ASTN1: variants seen among roughly 807,000 people sequenced by gnomAD.
ASTN1 encodes astrotactin-1.
A neutral mutation model predicts 140.7 loss-of-function variants in ASTN1; 41 were observed. That is an observed-to-expected ratio of 0.29 (90% CI 0.23 to 0.38). The LOEUF (loss-of-function observed/expected upper bound fraction) is 0.38, where lower values mean the gene tolerates loss of function less well. Among genes scored for constraint, ASTN1 ranks in the 10% least tolerant of loss-of-function variants. ASTN1 has a pLI of 1.00. For synonymous variants in ASTN1, 640 were observed against 652.2 expected (o/e 0.98, Z 0.29); for missense variants, 1,479 against 1,678.8 (o/e 0.88, Z 2.08).
intron 21 of ASTN1, among the ~76,000 whole-genome samples, chr1:176,872,008 G>C (rs1668366138): frequency 6.6e-6 from 1 of 152,088 alleles, no homozygotes; most frequent in Non-Finnish European, 1.5e-5. Flanking sequence ...GGGTAAATTG[G>C]CTGAGACTGA....
At position 176,952,678 on chromosome 1, in the gene ASTN1, C is replaced by G. The variant is rs142989861; in HGVS notation, c.1888-3327G>C. ...TAGCTAAGTACAAAGAAACCAGAGT[C>G]TCCAAACCATGCCCTTCATCCTAGA... is the stretch of plus-strand genomic sequence containing the variant. On this transcript the variant is annotated intron_variant, in intron 11 of 22. Transcript: ENST00000361833. 2.4e-4 allele frequency among the ~76,000 whole-genome samples: 36 copies of G among 152,302 alleles called. 1 individual carries two copies. The highest frequency in any genetic ancestry group is 1.2e-4 in the African/African-American group (5 of 41,560).
Position 177,164,673 on chromosome 1 carries a change from C to T in ASTN1, c.4G>A (p.Ala2Thr), listed in dbSNP as rs1408866790. M[A>T]LAGLCALLAC... The stretch of plus-strand genomic sequence containing the variant: ...AGCAGGGCGCAGAGCCCGGCTAAAG[C>T]CATCTTGAGCCCCGGCCGCCTTCCT... The change falls in exon 1 of 23, where the codon GCT becomes ACT. Residue 2 changes from alanine (A) to threonine (T), a missense_variant. By Grantham distance (58) the Ala-to-Thr change is moderately conservative. Around this residue, in one of 3 missense-constraint regions of ASTN1, gnomAD observed 729 missense variants for 860.4 expected, o/e 0.85. Transcript: ENST00000361833. 6.4e-7 allele frequency: 1 copy of T among 1,564,152 alleles called. No homozygotes were observed. Among genetic ancestry groups the T allele is most frequent in the Non-Finnish European group, 8.6e-7 (1 of 1,156,238 alleles).
chr1:176,972,405 G>T (rs1219716572), intron 8 of ASTN1, among the ~76,000 whole-genome samples: 1 of 152,220 alleles, frequency 6.6e-6, no homozygotes, highest in African/African-American at 2.4e-5. Context: ...CCACAGGGTT[G>T]TTGAGTTTAA....
chr1:177,164,069 A>G (rs978830767), intron 1 of ASTN1, among the ~76,000 whole-genome samples: 2 of 152,056 alleles, frequency 1.3e-5, no homozygotes, highest in African/African-American at 2.4e-5. Flanking sequence ...TAGCAGACAA[A>G]AAGTGCTGTG....
intron 12 of ASTN1, among the ~76,000 whole-genome samples, chr1:176,948,648 T>C (rs563229024): frequency 6.6e-6 from 1 of 152,230 alleles, no homozygotes; most frequent in Admixed American, 6.5e-5. Flanking sequence ...TGGGAGAGCC[T>C]GCCTGCAAGA....
chr1:177,044,198 CACACAT>C lies in ASTN1; in HGVS notation c.472-11355_472-11350del, dbSNP rs778117936. 8.2e-3 allele frequency among the ~76,000 whole-genome samples: 1,242 copies of C among 150,810 alleles called. 15 individuals carry two copies. The highest frequency in any genetic ancestry group is 0.027 in the African/African-American group (1,114 of 40,516). On this transcript the variant is annotated intron_variant, in intron 2 of 22. Coordinates refer to ENST00000361833, the MANE Select transcript of ASTN1 (RefSeq NM_004319.3). ...AAATACACACACACACACACACACA[CACACAT>C]ACACACACACCCAACTGCCCTGTCC...
intron 9 of ASTN1, among the ~76,000 whole-genome samples, chr1:176,962,158 G>A (rs997471314): frequency 6.6e-6 from 1 of 152,198 alleles, no homozygotes; most frequent in African/African-American, 2.4e-5. Context: ...GGTCTCTGTG[G>A]GATCAATTTG....
intron 1 of ASTN1, among the ~76,000 whole-genome samples, chr1:177,064,165 G>A (rs1046356565): frequency 2.6e-5 from 4 of 152,074 alleles, no homozygotes; most frequent in African/African-American, 7.2e-5. Flanking sequence ...CACAACACAC[G>A]CACCAGACAA....
At chr1:176,891,487 G>C (rs539781246) in intron 17 of ASTN1, among the ~76,000 whole-genome samples, 10 of 152,140 alleles carry the variant, frequency 6.6e-5, no homozygotes, top group African/African-American at 2.2e-4. Context: ...AATAGGTGAT[G>C]CATGCTATAA....
At chr1:177,052,083 A>G (rs891610147) in intron 2 of ASTN1, among the ~76,000 whole-genome samples, 3 of 152,184 alleles carry the variant, frequency 2.0e-5, no homozygotes, top group African/African-American at 7.2e-5. Context: ...ATGAAACAGA[A>G]GTGACATAAC....
intron 8 of ASTN1, among the ~76,000 whole-genome samples, chr1:177,007,822 C>T (rs1301781763): frequency 6.6e-6 from 1 of 152,158 alleles, no homozygotes. Context: ...TCATCAAAGG[C>T]CTTTGTGCAA....
Position 176,946,175 on chromosome 1 carries a change from G to C in ASTN1, c.2055-55C>G, listed in dbSNP as rs1286380013. 11 of 1,432,400 alleles carry C rather than the reference G, an allele frequency of 7.7e-6. No individual in the cohort carries two copies. The Admixed American group carries it at 2.2e-4, about 29-fold the overall frequency. 88.7% of individuals were successfully genotyped at this position (1,432,400 alleles called of 1,614,324 possible). A position where few individuals can be genotyped will look rare whatever the true frequency, so the allele number is the denominator to read the frequency against. ...GTTATTCCATCAATGACCCATGCAG[G>C]CAAGTCAACCCCGTATATTGGGAGG... On this transcript the variant is annotated intron_variant, in intron 12 of 22. Transcript: ENST00000361833.
rs368986974 is a variant in ASTN1, at chr1:177,046,200, T to G, written c.472-13351A>C. Among the ~76,000 whole-genome samples the G allele has an allele frequency of 3.3e-5, 5 of 152,288 alleles. No individual in the cohort carries two copies. In the East Asian group the frequency reaches 9.7e-4, roughly 29 times the overall value. On this transcript the variant is annotated intron_variant, in intron 2 of 22. Coordinates refer to ENST00000361833, the MANE Select transcript of ASTN1 (RefSeq NM_004319.3). ...GCACACTGAAGGCTCAGTGTTCCCC[T>G]GGCACCAGCTGTAACTCCAATTTTT...
chr1:177,034,108 G>A (rs901664571), intron 2 of ASTN1, among the ~76,000 whole-genome samples: 1 of 152,034 alleles, frequency 6.6e-6, no homozygotes, highest in Non-Finnish European at 1.5e-5. Context: ...ATAAAGCTAG[G>A]TCAAGAGTAT....
Position 177,045,023 on chromosome 1 carries a change from T to C in ASTN1, c.472-12174A>G, listed in dbSNP as rs553985121. ...AGGTCTTTTTTTTTCTGCCTATCCC[T>C]GAACCTTTGTTCTCTCATTTCCCTG... On this transcript the variant is annotated intron_variant, in intron 2 of 22. Transcript: ENST00000361833. Among the ~76,000 whole-genome samples, 12 of 152,260 alleles carry C rather than the reference T, an allele frequency of 7.9e-5. No homozygotes were observed. In the South Asian group the frequency reaches 2.3e-3, roughly 29 times the overall value.
chr1:176,995,656 C>T (rs143919638), intron 8 of ASTN1, among the ~76,000 whole-genome samples: 1 of 152,278 alleles, frequency 6.6e-6, no homozygotes, highest in East Asian at 1.9e-4. Flanking sequence ...TCAGGAAGCA[C>T]TTGTAGTTCA....
intron 13 of ASTN1, 35 bp downstream of exon 13, chr1:176,945,891 T>C (rs2103110884): frequency 6.4e-7 from 1 of 1,554,224 alleles, no homozygotes; most frequent in Non-Finnish European, 8.7e-7. Flanking sequence ...CCACCAACAG[T>C]CTTGAACAAT....
chr1:176,999,624 C>T (rs1243375759), intron 8 of ASTN1, among the ~76,000 whole-genome samples: 1 of 152,078 alleles, frequency 6.6e-6, no homozygotes, highest in Non-Finnish European at 1.5e-5. Context: ...TCAGTGACTT[C>T]GAGGTGACTG....
chr1:176,992,829 C>T (rs903776376), intron 8 of ASTN1, among the ~76,000 whole-genome samples: 1 of 152,128 alleles, frequency 6.6e-6, no homozygotes, highest in Non-Finnish European at 1.5e-5. Flanking sequence ...TTGAACAGTG[C>T]TGTGGGTTGA....
Sources: allele counts gnomAD v4.1 joint callset (sites outside exome capture counted in the v4.1 genomes callset), GRCh38; gene constraint gnomAD v4.1.1; regional missense constraint gnomAD v4.1.1; transcripts MANE v1.5; gene names NCBI Gene and HGNC (gene_info 2026-07-23, HGNC 2026-07-21).